COL9A1: variants seen among roughly 807,000 people sequenced by gnomAD.
The protein encoded by COL9A1 is collagen alpha-1(IX) chain.
A neutral mutation model predicts 142.6 loss-of-function variants in COL9A1; 104 were observed. The observed-to-expected ratio is 0.73, with a 90% CI of 0.62 to 0.86. The LOEUF is 0.86. Ranked by LOEUF, COL9A1 falls within the 40% of genes least tolerant of loss-of-function variation. The probability of loss-of-function intolerance (pLI) is 0.00; values close to 1 mark genes in which losing one functional copy is unlikely to be tolerated. For synonymous variants in COL9A1, 466 were observed against 396.0 expected (o/e 1.18, Z -2.10); for missense variants, 1,210 against 1,176.6 (o/e 1.03, Z -0.42).
intron 4 of COL9A1, among the ~76,000 whole-genome samples, chr6:70,295,877 G>T (rs1773833256): frequency 6.6e-6 from 1 of 152,072 alleles, no homozygotes; most frequent in Non-Finnish European, 1.5e-5. Flanking sequence ...TCCTAAGCAA[G>T]GAAGAAATGC....
chr6:70,256,227 T>G (rs951485555), intron 21 of COL9A1, among the ~76,000 whole-genome samples: 1 of 152,242 alleles, frequency 6.6e-6, no homozygotes, highest in Non-Finnish European at 1.5e-5. Context: ...AGTTACTTTC[T>G]GTCTTTCCCA....
At chr6:70,254,633 C>G (rs1571396) in intron 24 of COL9A1, 104 bp from the exon 25 acceptor site, 2 of 1,072,462 alleles carry the variant, frequency 1.9e-6, no homozygotes, top group African/African-American at 1.6e-5. Context: ...ATTGTCCCAA[C>G]AGCTGACTTT....
chr6:70,283,831 G>A lies in COL9A1; in HGVS notation c.697-11C>T, dbSNP rs1018967210. 2.5e-6 allele frequency: 4 copies of A among 1,592,704 alleles called. No individual in the cohort carries two copies. The African/African-American group carries it at 5.4e-5, about 21-fold the overall frequency. On this transcript the variant is annotated splice_polypyrimidine_tract_variant and intron_variant, in intron 5 of 37. Coordinates refer to ENST00000357250, the MANE Select transcript of COL9A1 (RefSeq NM_001851.6). ...CCATTGAAGTTCAAACTGGAGAAAGGTAGTAGACAGTCAGGTAAGGTTTTT... is the reference window on the plus strand; with the variant it reads ...CCATTGAAGTTCAAACTGGAGAAAGATAGTAGACAGTCAGGTAAGGTTTTT...
chr6:70,297,824 A>T (rs568081633), intron 4 of COL9A1, among the ~76,000 whole-genome samples: 2 of 152,284 alleles, frequency 1.3e-5, no homozygotes, highest in East Asian at 3.9e-4. Flanking sequence ...AGAGTGTAAA[A>T]CGATTATGCT....
In COL9A1 at chr6:70,266,860, G is replaced by A. The variant is rs965801673; in HGVS notation, c.1288-90C>T. The A allele has an allele frequency of 5.8e-6, 6 of 1,030,012 alleles. No homozygotes were observed. In the African/African-American group the frequency reaches 9.4e-5, roughly 16 times the overall value. The allele number at this position is 1,030,012 out of a possible 1,614,324, so 63.8% of individuals were successfully genotyped here. The stretch of plus-strand genomic sequence containing the variant: ...AGTGATCCTGCTTCCCTAAATCAGT[G>A]CCAATGTATTACTAAGAAATGAGTT... On this transcript the variant is annotated intron_variant, in intron 17 of 37. Transcript: ENST00000357250.
chr6:70,298,471 T>C (rs1217707644), intron 4 of COL9A1, among the ~76,000 whole-genome samples: 1 of 152,224 alleles, frequency 6.6e-6, no homozygotes, highest in African/African-American at 2.4e-5. Context: ...TTCCTCCTTC[T>C]TTCCTTATCT....
At chr6:70,286,981 T>G (rs1021899402) in intron 5 of COL9A1, among the ~76,000 whole-genome samples, 1 of 152,212 alleles carries the variant, frequency 6.6e-6, no homozygotes, top group Non-Finnish European at 1.5e-5. Flanking sequence ...ATGTCTACCA[T>G]ATAAGGCAGT....
At chr6:70,225,312 G>T (rs1769160169) in intron 37 of COL9A1, among the ~76,000 whole-genome samples, 1 of 152,184 alleles carries the variant, frequency 6.6e-6, no homozygotes, top group Admixed American at 6.5e-5. Context: ...AGGGTAGCCA[G>T]TGTATAAAGA....
intron 5 of COL9A1, among the ~76,000 whole-genome samples, chr6:70,289,510 T>C (rs1411199815): frequency 2.0e-5 from 3 of 152,160 alleles, no homozygotes; most frequent in Non-Finnish European, 4.4e-5. Context: ...CTGAGGTTGT[T>C]AATGTGGTCT....
chr6:70,297,562 G>A (rs3806106), intron 4 of COL9A1, among the ~76,000 whole-genome samples: 26,867 of 151,932 alleles, frequency 0.18, 3,441 homozygotes, highest in East Asian at 0.46. Flanking sequence ...CCCGAAATTC[G>A]GTTCTTGCAA....
chr6:70,276,201 T>C (rs1772751182), intron 10 of COL9A1, among the ~76,000 whole-genome samples: 1 of 152,166 alleles, frequency 6.6e-6, no homozygotes. Flanking sequence ...CATGATTAGT[T>C]GCTAAGCACC....
In COL9A1 at chr6:70,271,704, G is replaced by A. The variant is rs1772412961; in HGVS notation, c.1094C>T (p.Pro365Leu). The A allele has an allele frequency of 1.9e-6, 3 of 1,613,680 alleles. No homozygotes were observed. Among genetic ancestry groups the A allele is most frequent in the Non-Finnish European group, 2.5e-6 (3 of 1,179,736 alleles). Reference protein sequence around the residue: ...PGRGIPGPPGPPGTAGLPGEL... With the variant: ...PGRGIPGPPGLPGTAGLPGEL... ...TCCAGGGAGTCCTGCTGTCCCAGGAGGACCCTGAAGTCAACAAATCAAAGC... is the reference window on the plus strand; with the variant it reads ...TCCAGGGAGTCCTGCTGTCCCAGGAAGACCCTGAAGTCAACAAATCAAAGC... The change falls in exon 14 of 38, where the codon CCT becomes CTT. Residue 365 changes from proline (P) to leucine (L), a missense_variant. Physicochemically the swap from Pro to Leu is moderately conservative, Grantham distance 98. Coordinates refer to ENST00000357250, the MANE Select transcript of COL9A1 (RefSeq NM_001851.6).
chr6:70,243,534 AT>A lies in COL9A1; in HGVS notation c.1873-820del, dbSNP rs111666460. On this transcript the variant is annotated intron_variant, in intron 28 of 37. Transcript: ENST00000357250. The stretch of plus-strand genomic sequence containing the variant: ...TGACAAAAGTTCATTTTATTTCCTA[AT>A]TTTTTTTTTTGAGACGGAGTCTTTC... 5.5e-4 allele frequency among the ~76,000 whole-genome samples: 82 copies of A among 148,782 alleles called. No individual in the cohort carries two copies. In the South Asian group the frequency reaches 6.0e-3, roughly 11 times the overall value.
intron 37 of COL9A1, among the ~76,000 whole-genome samples, chr6:70,219,528 C>A (rs886206005): frequency 6.6e-6 from 1 of 152,324 alleles, no homozygotes; most frequent in African/African-American, 2.4e-5. Context: ...TATAAAGAAA[C>A]AAGCCTGGAT....
chr6:70,242,285 T>C, intron 29 of COL9A1: 1 of 585,858 alleles, frequency 1.7e-6, no homozygotes, highest in East Asian at 3.0e-5. Context: ...GTAGGCTTTT[T>C]CAGTCAAGCC....
intron 14 of COL9A1, 103 bp downstream of exon 14, chr6:70,271,552 T>C (rs1772401465): frequency 4.4e-6 from 4 of 905,782 alleles, no homozygotes; most frequent in Non-Finnish European, 7.3e-6. Context: ...TCTGCCATGT[T>C]TTGGTTTGCA....
intron 37 of COL9A1, 24 bp from the exon 38 acceptor site, chr6:70,217,105 A>G (rs990618248): frequency 1.9e-6 from 3 of 1,612,926 alleles, no homozygotes; most frequent in Non-Finnish European, 8.5e-7. Flanking sequence ...AAGATTGCAC[A>G]TGTGAACAGG....
chr6:70,252,136 C>T lies in COL9A1; in HGVS notation c.1856G>A (p.Gly619Glu). The T allele has an allele frequency of 6.2e-7, 1 of 1,614,086 alleles. No individual in the cohort carries two copies. The highest frequency in any genetic ancestry group is 8.5e-7 in the Non-Finnish European group (1 of 1,179,950). The change falls in exon 28 of 38, where the codon GGA (glycine) becomes GAA (glutamate). Residue 619 changes from glycine (G) to glutamate (E), a missense_variant. Physicochemically the swap from Gly to Glu is moderately conservative, Grantham distance 98. Coordinates refer to ENST00000357250, the MANE Select transcript of COL9A1 (RefSeq NM_001851.6). ...QGPPGEVGPRGPQGLPGSRGE... is the reference protein window; with the variant it reads ...QGPPGEVGPREPQGLPGSRGE... ...AATACTCACAGGAAGCCCCTGGGGT[C>T]CTCGGGGTCCCACCTCTCCTGGAGG...
At chr6:70,302,101 G>A (rs1477918820) in intron 1 of COL9A1, 27 bp from the exon 2 acceptor site, 5 of 1,516,966 alleles carry the variant, frequency 3.3e-6, no homozygotes, top group East Asian at 2.3e-5. Context: ...AAAAATGACT[G>A]AAACAGGAGT....
Sources: allele counts gnomAD v4.1 joint callset (sites outside exome capture counted in the v4.1 genomes callset), GRCh38; gene constraint gnomAD v4.1.1; transcripts MANE v1.5; gene names NCBI Gene and HGNC (gene_info 2026-07-23, HGNC 2026-07-21).